Variants in CDIN1 observed in about 807,000 individuals in gnomAD.
CDIN1 encodes CDAN1 interacting nuclease 1.
Under a neutral mutation model 45.3 loss-of-function variants are expected in CDIN1, and 33 were observed. That is an observed-to-expected ratio of 0.73 (90% CI 0.55 to 0.97). The LOEUF (loss-of-function observed/expected upper bound fraction) is 0.97. Among genes scored for constraint, CDIN1 ranks in the 50% least tolerant of loss-of-function variants. The pLI, the probability that CDIN1 is intolerant of heterozygous loss-of-function variation, is 0.00. For missense variants in CDIN1, 303 were observed against 339.4 expected, an observed-to-expected ratio of 0.89 and a Z score of 0.84; for synonymous variants, 118 against 124.4, an observed-to-expected ratio of 0.95 and a Z score of 0.34.
chr15:36,763,490 A>C (rs1257494326), intron 10 of CDIN1, among the ~76,000 whole-genome samples: 3 of 152,140 alleles, frequency 2.0e-5, no homozygotes, highest in African/African-American at 7.2e-5. Context: ...GGGGCTCCCC[A>C]GACTGGAAAG....
In CDIN1 at chr15:36,762,842, A is replaced by G. The variant is rs569152549; in HGVS notation, c.717-45482A>G. Among the ~76,000 whole-genome samples, 312 of 152,190 alleles carry G rather than the reference A, an allele frequency of 2.1e-3. 3 individuals carry two copies. Among genetic ancestry groups the G allele is most frequent in the African/African-American group, 7.0e-3 (292 of 41,510 alleles). ...TGAACTCATCCTTTTTTATGGCTGC[A>G]TAGTATTCCATGGTGTATATGTGCC... On this transcript the variant is annotated intron_variant, in intron 10 of 10. Transcript: ENST00000566621.
At chr15:36,634,267 A>G (rs1326162410) in intron 1 of CDIN1, among the ~76,000 whole-genome samples, 8 of 152,044 alleles carry the variant, frequency 5.3e-5, no homozygotes, top group African/African-American at 1.7e-4. Flanking sequence ...CGTCTCCACT[A>G]AAAATACAAA....
chr15:36,589,776 T>G (rs111683689), intron 1 of CDIN1, among the ~76,000 whole-genome samples: 1 of 152,296 alleles, frequency 6.6e-6, no homozygotes, highest in African/African-American at 2.4e-5. Context: ...AGTGCTGGGA[T>G]TACAGGCGTG....
At chr15:36,674,870 C>T (rs745382134) in intron 5 of CDIN1, among the ~76,000 whole-genome samples, 4 of 152,000 alleles carry the variant, frequency 2.6e-5, no homozygotes, top group Admixed American at 6.6e-5. Flanking sequence ...TCTTGCTGAA[C>T]GGTAGTGCTG....
At chr15:36,669,628 C>T (rs1404121403) in intron 5 of CDIN1, among the ~76,000 whole-genome samples, 2 of 152,034 alleles carry the variant, frequency 1.3e-5, no homozygotes, top group African/African-American at 4.8e-5. Flanking sequence ...TCAAATTTCA[C>T]CAGTACCCAA....
intron 10 of CDIN1, among the ~76,000 whole-genome samples, chr15:36,778,305 C>T (rs181103299): frequency 2.2e-3 from 333 of 152,170 alleles, no homozygotes; most frequent in African/African-American, 6.9e-3. Context: ...GAAGGCAGCC[C>T]GAGAAAGTGG....
At chr15:36,804,413 T>A (rs758213733) in intron 10 of CDIN1, among the ~76,000 whole-genome samples, 5 of 152,104 alleles carry the variant, frequency 3.3e-5, no homozygotes, top group Non-Finnish European at 7.4e-5. Context: ...AGCTGTCTGA[T>A]CATCTTAGTG....
intron 8 of CDIN1, chr15:36,705,802 C>T (rs1003024484): frequency 6.6e-6 from 1 of 152,080 alleles, no homozygotes; most frequent in Non-Finnish European, 1.5e-5. Context: ...AAGACCCTTA[C>T]TTTGTATCTA....
intron 10 of CDIN1, chr15:36,798,545 G>A (rs1180159155): frequency 6.6e-6 from 1 of 152,154 alleles, no homozygotes; most frequent in South Asian, 2.1e-4. Flanking sequence ...TAGATTTATA[G>A]GGCAAACATG....
chr15:36,762,002 G>A (rs1291049196), intron 10 of CDIN1, among the ~76,000 whole-genome samples: 1 of 152,134 alleles, frequency 6.6e-6, no homozygotes, highest in African/African-American at 2.4e-5. Flanking sequence ...TCACAGGCTG[G>A]CCCCGGAAGT....
At chr15:36,617,722 T>C in intron 1 of CDIN1, 1 of 790,530 alleles carries the variant, frequency 1.3e-6, no homozygotes, top group South Asian at 1.3e-5. Flanking sequence ...ACAACACCAA[T>C]AGAGGAAGTG....
At chr15:36,788,105 T>A in intron 10 of CDIN1, among the ~76,000 whole-genome samples, 1 of 33,228 alleles carries the variant, frequency 3.0e-5, no homozygotes, top group Non-Finnish European at 5.4e-5. Context: ...TATATATATA[T>A]ATTTTTTTTT....
chr15:36,650,337 G>T (rs2040519280), intron 3 of CDIN1, among the ~76,000 whole-genome samples: 1 of 152,072 alleles, frequency 6.6e-6, no homozygotes, highest in Non-Finnish European at 1.5e-5. Context: ...CTCGAGCTGT[G>T]TCTATTTATA....
chr15:36,744,462 A>G (rs1288294200), intron 10 of CDIN1, among the ~76,000 whole-genome samples: 1 of 152,202 alleles, frequency 6.6e-6, no homozygotes, highest in Non-Finnish European at 1.5e-5. Context: ...ATGTTCACTC[A>G]TTAAGTTGGT....
At chr15:36,753,135 C>T (rs533344624) in intron 10 of CDIN1, among the ~76,000 whole-genome samples, 46 of 152,210 alleles carry the variant, frequency 3.0e-4, no homozygotes, top group Non-Finnish European at 5.6e-4. Flanking sequence ...AGCACCACTG[C>T]GGCAACTGTG....
At chr15:36,634,692 G>C (rs2039821605) in intron 1 of CDIN1, among the ~76,000 whole-genome samples, 1 of 152,030 alleles carries the variant, frequency 6.6e-6, no homozygotes, top group Non-Finnish European at 1.5e-5. Context: ...ATTCCTTCTT[G>C]ATGCTCTTAT....
intron 8 of CDIN1, among the ~76,000 whole-genome samples, chr15:36,700,491 G>A (rs1429371714): frequency 6.6e-6 from 1 of 151,950 alleles, no homozygotes; most frequent in Admixed American, 6.6e-5. Flanking sequence ...CTTTATGAAT[G>A]AAGAAAATGC....
chr15:36,629,568 A>T (rs2039593990), intron 1 of CDIN1, among the ~76,000 whole-genome samples: 1 of 152,178 alleles, frequency 6.6e-6, no homozygotes, highest in South Asian at 2.1e-4. Context: ...TTGTTAGAGA[A>T]GTGATTTTGT....
At chr15:36,638,488 T>C (rs1056607451) in intron 1 of CDIN1, among the ~76,000 whole-genome samples, 2 of 152,202 alleles carry the variant, frequency 1.3e-5, no homozygotes, top group Non-Finnish European at 2.9e-5. Flanking sequence ...TTATATTTAA[T>C]ATGAAGTGAA....
Sources: gnomAD v4.1 joint callset for allele counts (sites outside exome capture counted in the v4.1 genomes callset) on GRCh38, gnomAD v4.1.1 for gene constraint, MANE v1.5 for transcripts, NCBI Gene and HGNC (gene_info 2026-07-23, HGNC 2026-07-21) for gene names.